Variants in RAB38 observed in about 807,000 individuals in gnomAD.
RAB38 encodes ras-related protein Rab-38.
RAB38 carries 15 observed loss-of-function variants against 18.4 expected under a neutral mutation model. The observed-to-expected ratio is 0.82, with a 90% CI of 0.55 to 1.26. The LOEUF (loss-of-function observed/expected upper bound fraction) is 1.26, where lower values mean the gene tolerates loss of function less well. RAB38 is among the 50% of genes most tolerant of loss of function. The pLI is 0.00. For synonymous variants in RAB38, 101 were observed against 104.4 expected (o/e 0.97, Z 0.20); for missense variants, 294 against 267.4 (o/e 1.10, Z -0.69).
chr11:88,004,204 C>G, the RAB38 span, among the ~76,000 whole-genome samples: 5 of 150,042 alleles, frequency 3.3e-5, no homozygotes, highest in Middle Eastern at 3.4e-3. Context: ...GATGAAAGGA[C>G]ATACATTCTT....
the RAB38 span, among the ~76,000 whole-genome samples, chr11:87,900,685 A>AAGGC: frequency 1.3e-5 from 2 of 150,476 alleles, no homozygotes; most frequent in Non-Finnish European, 3.0e-5. Flanking sequence ...GGAAGGAAGG[A>AAGGC]AGGAAGGAAG....
chr11:87,833,525 G>T, the RAB38 span, among the ~76,000 whole-genome samples: 2 of 152,228 alleles, frequency 1.3e-5, no homozygotes, highest in African/African-American at 4.8e-5. Flanking sequence ...TCATAATGTC[G>T]ATTTGTAATG....
the RAB38 span, among the ~76,000 whole-genome samples, chr11:87,962,575 C>T: frequency 6.6e-6 from 1 of 152,068 alleles, no homozygotes; most frequent in African/African-American, 2.4e-5. Flanking sequence ...TTGATATATC[C>T]TCAGTTTCTC....
the RAB38 span, among the ~76,000 whole-genome samples, chr11:87,826,781 C>T: frequency 3.9e-5 from 6 of 152,072 alleles, no homozygotes; most frequent in African/African-American, 4.8e-5. Context: ...ACCACAACCA[C>T]CAGGTAAAAA....
At chr11:88,044,558 A>C in the RAB38 span, among the ~76,000 whole-genome samples, 369 of 152,306 alleles carry the variant, frequency 2.4e-3, 5 homozygotes, top group South Asian at 0.033. Flanking sequence ...CAGTGGTTCC[A>C]AATAGCCAGA....
downstream of RAB38, among the ~76,000 whole-genome samples, chr11:88,108,954 G>A (rs1942438458): frequency 6.6e-6 from 1 of 152,146 alleles, no homozygotes; most frequent in African/African-American, 2.4e-5. Flanking sequence ...TAAGAATGTT[G>A]AGTATTGGCC....
At chr11:88,021,150 AC>A in the RAB38 span, among the ~76,000 whole-genome samples, 1 of 152,182 alleles carries the variant, frequency 6.6e-6, no homozygotes, top group Admixed American at 6.5e-5. Context: ...CAAAAGATCA[AC>A]AAAACAAAAA....
At chr11:88,030,438 A>G in the RAB38 span, among the ~76,000 whole-genome samples, 2 of 152,268 alleles carry the variant, frequency 1.3e-5, no homozygotes, top group African/African-American at 4.8e-5. Flanking sequence ...TTGAATCCAG[A>G]AGCTGGTTTT....
the RAB38 span, among the ~76,000 whole-genome samples, chr11:87,887,729 C>T: frequency 1.3e-5 from 2 of 151,882 alleles, no homozygotes; most frequent in Non-Finnish European, 2.9e-5. Flanking sequence ...AAACATACAT[C>T]TAGCTAAAGG....
At chr11:88,061,716 T>G in the RAB38 span, 1 of 152,144 alleles carries the variant, frequency 6.6e-6, no homozygotes, top group African/African-American at 2.4e-5. Flanking sequence ...TCAGCACAGG[T>G]GTGAGGCCTG....
chr11:88,159,107 A>G (rs1943158463), intron 1 of RAB38, among the ~76,000 whole-genome samples: 1 of 151,944 alleles, frequency 6.6e-6, no homozygotes, highest in Admixed American at 6.6e-5. Flanking sequence ...GGGATGCAAA[A>G]ATCAATGTAT....
chr11:88,124,517 GA>G (rs1471054357), intron 2 of RAB38, among the ~76,000 whole-genome samples: 2 of 152,058 alleles, frequency 1.3e-5, no homozygotes. Flanking sequence ...AAAGACACAT[GA>G]AAAAATGCTC....
the RAB38 span, among the ~76,000 whole-genome samples, chr11:88,089,764 A>C: frequency 6.6e-6 from 1 of 151,970 alleles, no homozygotes; most frequent in Non-Finnish European, 1.5e-5. Context: ...ACACATAAAA[A>C]ACGGCACATG....
the RAB38 span, among the ~76,000 whole-genome samples, chr11:88,090,922 C>G: frequency 2.0e-5 from 3 of 152,006 alleles, no homozygotes; most frequent in East Asian, 5.8e-4. Flanking sequence ...ATAACAAGGG[C>G]CTTTCACAAA....
chr11:87,848,855 G>T, the RAB38 span, among the ~76,000 whole-genome samples: 1 of 151,304 alleles, frequency 6.6e-6, no homozygotes, highest in South Asian at 2.1e-4. Context: ...TTAATTTATT[G>T]CATTATAACA....
the RAB38 span, among the ~76,000 whole-genome samples, chr11:87,888,563 T>C: frequency 6.6e-6 from 1 of 151,924 alleles, no homozygotes; most frequent in Non-Finnish European, 1.5e-5. Context: ...AGATTATACA[T>C]GTACAAGCAT....
the RAB38 span, among the ~76,000 whole-genome samples, chr11:87,889,543 T>C: frequency 6.6e-6 from 1 of 151,918 alleles, no homozygotes; most frequent in Non-Finnish European, 1.5e-5. Flanking sequence ...AGTTATAATT[T>C]TTGAGTAGCT....
the RAB38 span, among the ~76,000 whole-genome samples, chr11:88,055,697 T>C: frequency 6.6e-6 from 1 of 152,098 alleles, no homozygotes; most frequent in Admixed American, 6.5e-5. Flanking sequence ...CTGGGAAAAC[T>C]TGGCCAAAGG....
chr11:87,829,011 C>T, the RAB38 span, among the ~76,000 whole-genome samples: 1 of 152,306 alleles, frequency 6.6e-6, no homozygotes, highest in East Asian at 1.9e-4. Context: ...ATCTCTGATT[C>T]ACCTTGAAAG....
Sources: allele counts gnomAD v4.1 joint callset (sites outside exome capture counted in the v4.1 genomes callset), GRCh38; gene constraint gnomAD v4.1.1; transcripts MANE v1.5; gene names NCBI Gene and HGNC (gene_info 2026-07-23, HGNC 2026-07-21).